Variants in EYA4 observed in about 807,000 individuals in gnomAD.
The protein encoded by EYA4 is EYA transcriptional coactivator and phosphatase 4.
A neutral mutation model predicts 87.9 loss-of-function variants in EYA4; 31 were observed. The ratio of observed to expected loss-of-function variants is 0.35; its 90% CI spans 0.27 to 0.48. The LOEUF (loss-of-function observed/expected upper bound fraction) is 0.48. EYA4 is among the 20% of genes least tolerant of loss of function. The probability of loss-of-function intolerance (pLI) is 0.99; values close to 1 mark genes in which losing one functional copy is unlikely to be tolerated. For synonymous variants in EYA4, 263 were observed against 270.6 expected (o/e 0.97, Z 0.28); for missense variants, 678 against 761.4 (o/e 0.89, Z 1.29).
intron 3 of EYA4, among the ~76,000 whole-genome samples, chr6:133,390,211 G>A (rs1287693713): frequency 6.6e-6 from 1 of 151,062 alleles, no homozygotes; most frequent in Non-Finnish European, 1.5e-5. Context: ...CACTCTCCTA[G>A]TTCTCTTATT....
Position 133,302,231 on chromosome 6 carries a change from T to A in EYA4, c.33+27418T>A, listed in dbSNP as rs547828396. ...TGTTTTATTTTTTGCTCTTTTTTTT[T>A]AAATAAATAAATAAACCAAAGATTT... On this transcript the variant is annotated intron_variant, in intron 2 of 19. Transcript: ENST00000355286. Among the ~76,000 whole-genome samples the A allele has an allele frequency of 1.6e-4, 24 of 152,098 alleles. No individual in the cohort carries two copies. In the East Asian group the frequency reaches 2.3e-3, roughly 15 times the overall value.
chr6:133,386,082 G>C (rs1312210596), intron 3 of EYA4, among the ~76,000 whole-genome samples: 3 of 151,924 alleles, frequency 2.0e-5, no homozygotes, highest in Non-Finnish European at 4.4e-5. Context: ...ACCATGTCCA[G>C]GATGTACTAT....
intron 2 of EYA4, among the ~76,000 whole-genome samples, chr6:133,307,011 A>G (rs941582666): frequency 3.9e-5 from 6 of 152,232 alleles, no homozygotes; most frequent in Admixed American, 1.3e-4. Flanking sequence ...CAATTGGGAC[A>G]CTGTGTTTAA....
chr6:133,405,532 G>C (rs1242822671), intron 3 of EYA4, among the ~76,000 whole-genome samples: 1 of 152,038 alleles, frequency 6.6e-6, no homozygotes, highest in Non-Finnish European at 1.5e-5. Context: ...TATTTCCTAT[G>C]TATGAAAGGT....
chr6:133,505,990 A>G, intron 13 of EYA4, 116 bp from the exon 14 acceptor site: 1 of 719,254 alleles, frequency 1.4e-6, no homozygotes, highest in Non-Finnish European at 2.5e-6. Flanking sequence ...TTGAATCTTC[A>G]GTAAAAACCC....
rs187524210 is a variant in EYA4 at position 133,523,647 on chromosome 6, G to A, written c.1738+470G>A. 3.2e-3 allele frequency among the ~76,000 whole-genome samples: 493 copies of A among 152,202 alleles called. 2 individuals carry two copies. The highest frequency in any genetic ancestry group is 0.014 in the Middle Eastern group (4 of 294). On this transcript the variant is annotated intron_variant, in intron 18 of 19. Transcript: ENST00000355286. Reference sequence around the variant, plus strand: ...CATAATAGGAATATTCATAACACATGAGCGACTGGAAATCTGCATTTCCAA... The same window carrying A: ...CATAATAGGAATATTCATAACACATAAGCGACTGGAAATCTGCATTTCCAA...
chr6:133,487,977 C>G (rs1170928403), intron 13 of EYA4, among the ~76,000 whole-genome samples: 1 of 152,118 alleles, frequency 6.6e-6, no homozygotes, highest in Non-Finnish European at 1.5e-5. Flanking sequence ...CATTTCTGCA[C>G]CTGCCTTAGG....
At chr6:133,373,363 T>C (rs943755768) in intron 2 of EYA4, among the ~76,000 whole-genome samples, 2 of 152,106 alleles carry the variant, frequency 1.3e-5, no homozygotes, top group African/African-American at 4.8e-5. Context: ...ATAGAATATG[T>C]TGCGAAAAAC....
intron 2 of EYA4, among the ~76,000 whole-genome samples, chr6:133,310,450 G>A (rs1780131619): frequency 6.6e-6 from 1 of 152,070 alleles, no homozygotes; most frequent in African/African-American, 2.4e-5. Flanking sequence ...AATATGCTAG[G>A]ATACAGATTT....
At chr6:133,479,873 A>G (rs967116939) in intron 11 of EYA4, among the ~76,000 whole-genome samples, 1 of 152,138 alleles carries the variant, frequency 6.6e-6, no homozygotes, top group Non-Finnish European at 1.5e-5. Context: ...AGTTGCTCCT[A>G]CAGATTTGCT....
intron 2 of EYA4, among the ~76,000 whole-genome samples, chr6:133,331,879 A>T (rs1358814930): frequency 6.6e-6 from 1 of 152,240 alleles, no homozygotes; most frequent in Non-Finnish European, 1.5e-5. Flanking sequence ...AAAAATAGGT[A>T]ATGCAGTCAC....
chr6:133,294,129 A>G (rs2128302680), intron 2 of EYA4, among the ~76,000 whole-genome samples: 1 of 145,784 alleles, frequency 6.9e-6, no homozygotes, highest in Non-Finnish European at 1.5e-5. Flanking sequence ...ATATTATGAT[A>G]TTATGAGTTG....
intron 2 of EYA4, among the ~76,000 whole-genome samples, chr6:133,307,884 C>G (rs114546913): frequency 0.018 from 2,721 of 152,170 alleles, 41 homozygotes; most frequent in African/African-American, 0.036. Context: ...AATTGCAGCT[C>G]CCTCCCATAA....
intron 2 of EYA4, among the ~76,000 whole-genome samples, chr6:133,288,490 C>G (rs1006555865): frequency 1.3e-5 from 2 of 152,038 alleles, no homozygotes. Flanking sequence ...AGTTTAGGAG[C>G]AGGTATCAAT....
intron 17 of EYA4, among the ~76,000 whole-genome samples, chr6:133,516,804 A>G (rs1799640654): frequency 6.6e-6 from 1 of 152,034 alleles, no homozygotes; most frequent in African/African-American, 2.4e-5. Flanking sequence ...TGTTAAGGAT[A>G]ATGGCCTCCA....
chr6:133,306,965 G>A (rs1334090516), intron 2 of EYA4, among the ~76,000 whole-genome samples: 2 of 152,160 alleles, frequency 1.3e-5, no homozygotes, highest in Non-Finnish European at 1.5e-5. Context: ...GGCATTTATT[G>A]CACACACAGT....
intron 5 of EYA4, 127 bp from the exon 6 acceptor site, chr6:133,456,429 C>G: frequency 1.3e-6 from 1 of 758,498 alleles, no homozygotes; most frequent in Non-Finnish European, 2.4e-6. Context: ...TTAACAAACT[C>G]TCTTCATCAA....
At chr6:133,250,341 T>A (rs545518506) in intron 1 of EYA4, among the ~76,000 whole-genome samples, 19 of 152,064 alleles carry the variant, frequency 1.2e-4, no homozygotes, top group African/African-American at 4.6e-4. Context: ...GCACAGTGAG[T>A]AAGTAGAAAG....
At chr6:133,373,280 T>G (rs1265264616) in intron 2 of EYA4, among the ~76,000 whole-genome samples, 1 of 152,032 alleles carries the variant, frequency 6.6e-6, no homozygotes, top group Non-Finnish European at 1.5e-5. Context: ...TTGGCAGATC[T>G]TGATAAATGG....
Sources: allele counts gnomAD v4.1 joint callset (sites outside exome capture counted in the v4.1 genomes callset), GRCh38; gene constraint gnomAD v4.1.1; transcripts MANE v1.5; gene names NCBI Gene and HGNC (gene_info 2026-07-23, HGNC 2026-07-21).